The following L2HGDH variants were observed in gnomAD, a reference collection of about 807,000 sequenced individuals.
L2HGDH encodes L-2-hydroxyglutarate dehydrogenase, also known as L-2-hydroxyglutarate dehydrogenase, mitochondrial.
L2HGDH carries 34 observed loss-of-function variants against 51.5 expected under a neutral mutation model. The ratio of observed to expected loss-of-function variants is 0.66; its 90% CI spans 0.50 to 0.88. The LOEUF is 0.88. Among genes scored for constraint, L2HGDH ranks in the 40% least tolerant of loss-of-function variants. The probability of loss-of-function intolerance (pLI) is 0.00; values close to 1 mark genes in which losing one functional copy is unlikely to be tolerated. For missense variants in L2HGDH, 558 were observed against 571.9 expected, an observed-to-expected ratio of 0.98 and a Z score of 0.25; for synonymous variants, 198 against 197.9, an observed-to-expected ratio of 1.00 and a Z score of -0.01.
intron 7 of L2HGDH, 122 bp downstream of exon 7, chr14:50,269,041 T>C: frequency 1.3e-6 from 1 of 770,880 alleles, no homozygotes; most frequent in South Asian, 1.5e-5. Context: ...ACCGATGAAA[T>C]GCTTACAAAA....
chr14:50,296,308 G>A (rs2030040774), intron 3 of L2HGDH, among the ~76,000 whole-genome samples: 1 of 145,966 alleles, frequency 6.9e-6, no homozygotes, highest in East Asian at 2.0e-4. Context: ...AGGAGGTCAA[G>A]GCTACAGAGA....
At position 50,244,488 on chromosome 14, in the gene L2HGDH, C is replaced by T; in HGVS notation, c.*2570G>A. 1 of 985,346 alleles carries T rather than the reference C, an allele frequency of 1.0e-6. No individual in the cohort carries two copies. The highest frequency in any genetic ancestry group is 1.7e-5 in the African/African-American group (1 of 57,346). The allele number at this position is 985,346 out of a possible 1,614,324, so 61.0% of individuals were successfully genotyped here. ...CAAAATACAGAATGATAATATTTTCCATCTCTTAGTAATCTTGTAATGGAA... is the reference window on the plus strand; with the variant it reads ...CAAAATACAGAATGATAATATTTTCTATCTCTTAGTAATCTTGTAATGGAA... On this transcript the variant is annotated 3_prime_UTR_variant, in exon 10 of 10. Coordinates refer to ENST00000267436, the MANE Select transcript of L2HGDH (RefSeq NM_024884.3).
Position 50,294,577 on chromosome 14 carries a change from G to A in L2HGDH, c.409-331C>T, listed in dbSNP as rs181878841. 9.2e-5 allele frequency among the ~76,000 whole-genome samples: 14 copies of A among 152,288 alleles called. No individual in the cohort carries two copies. In the East Asian group the frequency reaches 1.3e-3, roughly 15 times the overall value. ...CACATTCTCAAACCCAGAAAGGAGA[G>A]AAGCATAAGTTGCTTGGACTTTACT... On this transcript the variant is annotated intron_variant, in intron 3 of 9. Coordinates refer to ENST00000267436, the MANE Select transcript of L2HGDH (RefSeq NM_024884.3).
rs1385898200 is a variant in L2HGDH, at chr14:50,296,389, A to AC, written c.409-2144_409-2143insG. Among the ~76,000 whole-genome samples the AC allele has an allele frequency of 5.3e-5, 8 of 150,228 alleles. No homozygotes were observed. In the East Asian group the frequency reaches 1.4e-3, roughly 26 times the overall value. ...CCCTGTCTCAAAAAAAAAAAAAAAA[A>AC]AAAAAAAACTTATATGAAGGACATG... is the stretch of plus-strand genomic sequence containing the variant. On this transcript the variant is annotated intron_variant, in intron 3 of 9. Coordinates refer to ENST00000267436, the MANE Select transcript of L2HGDH (RefSeq NM_024884.3).
intron 9 of L2HGDH, among the ~76,000 whole-genome samples, chr14:50,256,970 CTG>C (rs1369105713): frequency 6.6e-6 from 1 of 152,170 alleles, no homozygotes; most frequent in African/African-American, 2.4e-5. Context: ...GAGTCTCACT[CTG>C]TCACTCAGGC....
chr14:50,295,267 T>C (rs369611286), intron 3 of L2HGDH, among the ~76,000 whole-genome samples: 42 of 152,258 alleles, frequency 2.8e-4, no homozygotes, highest in East Asian at 2.1e-3. Flanking sequence ...CCAAGCTACT[T>C]CAAAGGCTGA....
At chr14:50,288,361 G>C (rs1320373746) in intron 4 of L2HGDH, among the ~76,000 whole-genome samples, 1 of 152,150 alleles carries the variant, frequency 6.6e-6, no homozygotes, top group Non-Finnish European at 1.5e-5. Context: ...CTCCTCACCA[G>C]ATGGAAACCA....
At chr14:50,282,417 A>G (rs950145370) in intron 5 of L2HGDH, 3 of 455,498 alleles carry the variant, frequency 6.6e-6, no homozygotes, top group African/African-American at 4.0e-5. Flanking sequence ...TCTAACCACC[A>G]ATTTCTGGAA....
At chr14:50,305,835 T>C (rs1488038312) in intron 1 of L2HGDH, among the ~76,000 whole-genome samples, 1 of 152,106 alleles carries the variant, frequency 6.6e-6, no homozygotes, top group African/African-American at 2.4e-5. Context: ...TGGCACAGTA[T>C]TTGCATATAA....
In L2HGDH at chr14:50,245,403, A is replaced by C. The variant is rs1416834121; in HGVS notation, c.*1655T>G. Reference sequence around the variant, plus strand: ...AGATTGAAGAACAGGACAACCACTCAGTGTACCACTGTTTAGATTTCATGA... The same window carrying C: ...AGATTGAAGAACAGGACAACCACTCCGTGTACCACTGTTTAGATTTCATGA... On this transcript the variant is annotated 3_prime_UTR_variant, in exon 10 of 10. Transcript: ENST00000267436. 1.0e-6 allele frequency: 1 copy of C among 985,118 alleles called. No individual in the cohort carries two copies. The highest frequency in any genetic ancestry group is 1.2e-6 in the Non-Finnish European group (1 of 829,892). 61.0% of individuals were successfully genotyped at this position (985,118 alleles called of 1,614,324 possible). A position where few individuals can be genotyped will look rare whatever the true frequency, so the allele number is the denominator to read the frequency against.
At chr14:50,311,288 A>G (rs2031148303) in intron 1 of L2HGDH, 1 of 453,520 alleles carries the variant, frequency 2.2e-6, no homozygotes, top group South Asian at 1.6e-5. Flanking sequence ...ATAAACTAAA[A>G]ACCTTGCTGT....
At position 50,264,094 on chromosome 14, in the gene L2HGDH, A is replaced by G. The variant is rs147522987; in HGVS notation, c.1196+1264T>C. On this transcript the variant is annotated intron_variant, in intron 9 of 9. Coordinates refer to ENST00000267436, the MANE Select transcript of L2HGDH (RefSeq NM_024884.3). ...AGTCTTTTATCTTTAAGAATAAAAG[A>G]TGTGGCTGGGTGCAGTGGCTCACGC... Among the ~76,000 whole-genome samples, 274 of 149,400 alleles carry G rather than the reference A, an allele frequency of 1.8e-3. 1 individual carries two copies. The highest frequency in any genetic ancestry group is 6.1e-3 in the African/African-American group (251 of 40,888).
At chr14:50,269,553 G>A (rs1178075914) in intron 6 of L2HGDH, among the ~76,000 whole-genome samples, 1 of 152,178 alleles carries the variant, frequency 6.6e-6, no homozygotes, top group African/African-American at 2.4e-5. Context: ...ATTTTGTACT[G>A]TAAAGATAAT....
At chr14:50,258,121 C>T (rs1350903086) in intron 9 of L2HGDH, among the ~76,000 whole-genome samples, 2 of 151,276 alleles carry the variant, frequency 1.3e-5, no homozygotes, top group African/African-American at 4.9e-5. Context: ...GTATAATGAA[C>T]TCCCATGTAT....
intron 6 of L2HGDH, among the ~76,000 whole-genome samples, chr14:50,270,230 C>T (rs760442822): frequency 6.6e-6 from 1 of 152,208 alleles, no homozygotes; most frequent in Non-Finnish European, 1.5e-5. Flanking sequence ...TTATGATTTC[C>T]TATAAATTTT....
intron 3 of L2HGDH, among the ~76,000 whole-genome samples, chr14:50,299,068 T>C (rs567397144): frequency 1.3e-5 from 2 of 152,002 alleles, no homozygotes; most frequent in Admixed American, 6.5e-5. Context: ...ATAAATAGAA[T>C]TGACAAACCT....
chr14:50,278,493 C>T (rs1199308996), intron 6 of L2HGDH, 27 bp downstream of exon 6: 26 of 1,434,116 alleles, frequency 1.8e-5, no homozygotes, highest in Non-Finnish European at 2.5e-5. Flanking sequence ...AAGAAAGTAG[C>T]CAGCAGTTTT....
At chr14:50,309,687 C>A (rs1291599075) in intron 1 of L2HGDH, among the ~76,000 whole-genome samples, 1 of 111,638 alleles carries the variant, frequency 9.0e-6, no homozygotes, top group Non-Finnish European at 1.9e-5. Flanking sequence ...TTTATACCAC[C>A]CTTTTTTTTT....
At chr14:50,249,858 G>GTTGGT in intron 9 of L2HGDH, among the ~76,000 whole-genome samples, 1 of 145,594 alleles carries the variant, frequency 6.9e-6, no homozygotes, top group East Asian at 2.0e-4. Context: ...GGTTCTTGGG[G>GTTGGT]TCCCCAAGTC....
Sources: gnomAD v4.1 joint callset for allele counts (sites outside exome capture counted in the v4.1 genomes callset) on GRCh38, gnomAD v4.1.1 for gene constraint, MANE v1.5 for transcripts, NCBI Gene and HGNC (gene_info 2026-07-23, HGNC 2026-07-21) for gene names.